Variants in KLHL6 observed in about 807,000 individuals in gnomAD.
KLHL6 encodes the protein kelch like family member 6.
KLHL6 carries 41 observed loss-of-function variants against 58.6 expected under a neutral mutation model. The ratio of observed to expected loss-of-function variants is 0.70; its 90% confidence interval spans 0.55 to 0.91. The LOEUF is 0.91. Ranked by LOEUF, KLHL6 falls within the 40% of genes least tolerant of loss-of-function variation. The probability of loss-of-function intolerance (pLI) is 0.00; values close to 1 mark genes in which losing one functional copy is unlikely to be tolerated. For synonymous variants in KLHL6, 338 were observed against 322.7 expected (o/e 1.05, Z -0.51); for missense variants, 714 against 805.6 (o/e 0.89, Z 1.38).
intron 2 of KLHL6, among the ~76,000 whole-genome samples, chr3:183,513,686 G>A (rs991184907): frequency 2.0e-5 from 3 of 151,550 alleles, no homozygotes; most frequent in South Asian, 2.1e-4. Flanking sequence ...TGTATGGACC[G>A]AATGTGAATT....
chr3:183,550,661 G>A (rs1397048066), intron 1 of KLHL6, among the ~76,000 whole-genome samples: 1 of 151,706 alleles, frequency 6.6e-6, no homozygotes, highest in African/African-American at 2.4e-5. Context: ...GCCGGGCATG[G>A]TGGTACATCC....
intron 1 of KLHL6, among the ~76,000 whole-genome samples, chr3:183,529,658 C>T (rs1333754612): frequency 6.6e-6 from 1 of 151,978 alleles, no homozygotes; most frequent in African/African-American, 2.4e-5. Context: ...GGTGAAACTC[C>T]ATCTCTACAA....
At position 183,527,898 on chromosome 3, in the gene KLHL6, G is replaced by A. The variant is rs147953354; in HGVS notation, c.406C>T (p.Leu136=). ...LLDYTYTSKA[L]ITKQNVQRVL... is the part of the protein sequence containing the mutation. ...CGCTGGACATTCTGCTTGGTGATCA[G>A]CGCCTTGCTGGTGTACGTGTAGTCC... Residue 136 remains leucine, a synonymous_variant, in exon 2 of 7, where the codon CTG becomes TTG. Transcript: ENST00000341319. 143 of 1,613,954 alleles carry A rather than the reference G, an allele frequency of 8.9e-5. No individual in the cohort carries two copies. The African/African-American group carries it at 1.3e-3, about 14-fold the overall frequency.
At chr3:183,500,634 C>T (rs1209120759) in intron 3 of KLHL6, among the ~76,000 whole-genome samples, 1 of 152,164 alleles carries the variant, frequency 6.6e-6, no homozygotes, top group African/African-American at 2.4e-5. Context: ...ACACACTCGC[C>T]CCTCAACAGC....
chr3:183,506,139 T>C (rs1717994161), intron 3 of KLHL6, among the ~76,000 whole-genome samples: 1 of 152,214 alleles, frequency 6.6e-6, no homozygotes, highest in Non-Finnish European at 1.5e-5. Context: ...AACCACTGCA[T>C]AGTGAGATAT....
At chr3:183,550,993 C>A (rs1377053991) in intron 1 of KLHL6, among the ~76,000 whole-genome samples, 1 of 151,274 alleles carries the variant, frequency 6.6e-6, no homozygotes, top group Non-Finnish European at 1.5e-5. Context: ...TGGTGGCGGG[C>A]GCCTGTAGTC....
chr3:183,508,265 C>T lies in KLHL6; in HGVS notation c.703G>A (p.Val235Met). The T allele has an allele frequency of 1.9e-6, 3 of 1,614,188 alleles. No homozygotes were observed. Among genetic ancestry groups the T allele is most frequent in the Non-Finnish European group, 2.5e-6 (3 of 1,180,052 alleles). ...DDLYVTEEAQ[V>M]FETVMSWVRH... ...ACCCAGCTCATCACGGTCTCAAACA[C>T]CTGAGCCTCCTCGGTCACGTAAAGG... Residue 235 changes from valine (V) to methionine (M), a missense_variant, in exon 3 of 7, where the codon GTG becomes ATG. Transcript: ENST00000341319.
At chr3:183,529,391 C>G (rs1429283754) in intron 1 of KLHL6, among the ~76,000 whole-genome samples, 1 of 151,902 alleles carries the variant, frequency 6.6e-6, no homozygotes, top group Non-Finnish European at 1.5e-5. Flanking sequence ...GCTTCTTGGA[C>G]TTTGACATTT....
chr3:183,555,437 C>T lies in KLHL6; in HGVS notation c.217G>A (p.Asp73Asn). 1 of 1,614,148 alleles carries T rather than the reference C, an allele frequency of 6.2e-7. No individual in the cohort carries two copies. The highest frequency in any genetic ancestry group is 8.5e-7 in the Non-Finnish European group (1 of 1,179,990). The change falls in exon 1 of 7, where the codon GAT becomes AAT. Residue 73 changes from aspartate to asparagine, a missense_variant. This residue lies in a region of KLHL6 where 204 missense variants were observed against 175.9 expected (regional missense o/e 1.16). Transcript: ENST00000341319. ...ETLRMENALT[D>N]VILCVDIQEF... ...TGAATGTCCACACACAAGATGACATCTGTCAGAGCGTTTTCCATTCGCAGG... is the reference window on the plus strand; with the variant it reads ...TGAATGTCCACACACAAGATGACATTTGTCAGAGCGTTTTCCATTCGCAGG...
At chr3:183,529,606 G>T (rs893326693) in intron 1 of KLHL6, among the ~76,000 whole-genome samples, 3 of 152,112 alleles carry the variant, frequency 2.0e-5, no homozygotes, top group Admixed American at 2.0e-4. Context: ...GGAAGGCCAA[G>T]GCGGGTGCAT....
chr3:183,531,550 C>T (rs769570087), intron 1 of KLHL6, among the ~76,000 whole-genome samples: 27 of 148,998 alleles, frequency 1.8e-4, no homozygotes, highest in Admixed American at 1.3e-3. Context: ...CCCGGGTTCA[C>T]GCCATTCTCC....
At chr3:183,503,708 G>C (rs1168419104) in intron 3 of KLHL6, among the ~76,000 whole-genome samples, 1 of 152,190 alleles carries the variant, frequency 6.6e-6, no homozygotes, top group Non-Finnish European at 1.5e-5. Context: ...GAACCTGGGA[G>C]GCAGAGGTTG....
At chr3:183,505,401 G>A (rs1454711633) in intron 3 of KLHL6, among the ~76,000 whole-genome samples, 1 of 152,150 alleles carries the variant, frequency 6.6e-6, no homozygotes, top group Non-Finnish European at 1.5e-5. Flanking sequence ...TAGTTTTTAG[G>A]GGGAAATTTA....
In KLHL6 at chr3:183,492,175, G is replaced by A; in HGVS notation, c.1618C>T (p.Leu540=). The change falls in exon 7 of 7, where the codon CTG becomes TTG. Residue 540 remains leucine (L), a synonymous_variant. Coordinates refer to ENST00000341319, the MANE Select transcript of KLHL6 (RefSeq NM_130446.4). This position sits in a 1 kb window ranked among gnomAD's most constrained non-coding sequence, Gnocchi z 5.9. ...AYSPLEDSWC[L]VTQLSHERAS... ...CGCTCGTGGCTGAGCTGGGTCACCA[G>A]GCACCAGCTGTCTTCCAGCGGGCTG... The A allele has an allele frequency of 6.2e-7, 1 of 1,612,960 alleles. No individual in the cohort carries two copies. Among genetic ancestry groups the A allele is most frequent in the Non-Finnish European group, 8.5e-7 (1 of 1,179,680 alleles).
At position 183,508,165 on chromosome 3, in the gene KLHL6, G is replaced by A. The variant is rs746956965; in HGVS notation, c.803C>T (p.Pro268Leu). The change falls in exon 3 of 7, where the codon CCG becomes CTG. Residue 268 changes from proline to leucine, a missense_variant. Physicochemically the swap from Pro to Leu is moderately conservative, Grantham distance 98. Around this residue, in one of 2 missense-constraint regions of KLHL6, gnomAD observed 510 missense variants for 629.7 expected, o/e 0.81. Transcript: ENST00000341319. Reference sequence around the variant, plus strand: ...TTCCACCGTCTCCACAAAGTACCACGGGTCCAGAAGCGGTAAGCGCACGTT... The same window carrying A: ...TTCCACCGTCTCCACAAAGTACCACAGGTCCAGAAGCGGTAAGCGCACGTT... ...LENVRLPLLD[P>L]WYFVETVEAD... The A allele has an allele frequency of 1.7e-5, 27 of 1,614,042 alleles. No individual in the cohort carries two copies. The East Asian group carries it at 4.2e-4, about 25-fold the overall frequency.
intron 1 of KLHL6, among the ~76,000 whole-genome samples, chr3:183,554,074 A>G (rs962405374): frequency 6.6e-6 from 1 of 152,170 alleles, no homozygotes; most frequent in Non-Finnish European, 1.5e-5. Context: ...GTTAAGAAGA[A>G]TCTCATTAAG....
intron 4 of KLHL6, 148 bp from the exon 5 acceptor site, chr3:183,494,429 T>A (rs1330046602): frequency 1.5e-6 from 1 of 655,484 alleles, no homozygotes; most frequent in Non-Finnish European, 2.7e-6. Context: ...GTGTGTGATG[T>A]CTGGCAGGGG....
chr3:183,503,163 C>T (rs1201096657), intron 3 of KLHL6, among the ~76,000 whole-genome samples: 1 of 152,224 alleles, frequency 6.6e-6, no homozygotes, highest in African/African-American at 2.4e-5. Context: ...ATAATTGCAC[C>T]TTAATGACTG....
At chr3:183,493,828 G>T in intron 5 of KLHL6, 1 of 512,390 alleles carries the variant, frequency 2.0e-6, no homozygotes, top group Non-Finnish European at 3.5e-6. Flanking sequence ...GCACATCTGG[G>T]GTTCTGTCCA....
Sources: allele counts gnomAD v4.1 joint callset (sites outside exome capture counted in the v4.1 genomes callset), GRCh38; gene constraint gnomAD v4.1.1; regional missense constraint gnomAD v4.1.1; non-coding constraint Gnocchi (gnomAD v3.1); transcripts MANE v1.5; gene names NCBI Gene and HGNC (gene_info 2026-07-23, HGNC 2026-07-21).